The following PLEKHH2 variants were observed in gnomAD, a reference collection of about 807,000 sequenced individuals.
The protein encoded by PLEKHH2 is pleckstrin homology, MyTH4 and FERM domain containing H2, also known as pleckstrin homology domain-containing family H member 2.
PLEKHH2 carries 129 observed loss-of-function variants against 187.9 expected under a neutral mutation model. The ratio of observed to expected loss-of-function variants is 0.69; its 90% confidence interval spans 0.59 to 0.79. The LOEUF (loss-of-function observed/expected upper bound fraction) is 0.79, where lower values mean the gene tolerates loss of function less well. PLEKHH2 is among the 30% of genes least tolerant of loss of function. PLEKHH2 has a pLI of 0.00. For synonymous variants in PLEKHH2, 686 were observed against 605.6 expected (o/e 1.13, Z -1.95); for missense variants, 2,076 against 1,751.2 (o/e 1.19, Z -3.31).
At chr2:43,710,445 TGTTAAA>T (rs777779136) in intron 13 of PLEKHH2, 38 bp from the exon 14 acceptor site, 6 of 1,584,124 alleles carry the variant, frequency 3.8e-6, no homozygotes, top group South Asian at 3.5e-5. Flanking sequence ...TTATTATTAC[TGTTAAA>T]GTTAATCACT....
chr2:43,752,790 GAATA>G (rs1443893466), intron 24 of PLEKHH2, among the ~76,000 whole-genome samples: 3 of 152,092 alleles, frequency 2.0e-5, no homozygotes, highest in Non-Finnish European at 4.4e-5. Flanking sequence ...ATGACACAGT[GAATA>G]AATAAAGAGA....
Position 43,740,283 on chromosome 2 carries a change from G to T in PLEKHH2, c.3124-663G>T, listed in dbSNP as rs190881683. Among the ~76,000 whole-genome samples, 440 of 152,200 alleles carry T rather than the reference G, an allele frequency of 2.9e-3. 4 individuals are homozygous for T. Among genetic ancestry groups the T allele is most frequent in the African/African-American group, 1.0e-2 (414 of 41,528 alleles). On this transcript the variant is annotated intron_variant, in intron 20 of 29. Coordinates refer to ENST00000282406, the MANE Select transcript of PLEKHH2 (RefSeq NM_172069.4). ...CAAATGCAGTGTTTTATAGGATAAA[G>T]AAATTAAAAAAATTTTTTTGTTGTT...
At chr2:43,681,851 G>T (rs1668207963) in intron 3 of PLEKHH2, among the ~76,000 whole-genome samples, 1 of 152,154 alleles carries the variant, frequency 6.6e-6, no homozygotes, top group South Asian at 2.1e-4. Context: ...ATTTTATAGG[G>T]TAGAGTAAGT....
In PLEKHH2 at chr2:43,712,729, A is replaced by G. The variant is rs183438319; in HGVS notation, c.2460+346A>G. Reference sequence around the variant, plus strand: ...TTTCTAATCAGTAAGCAAACAATGAACACCAATTGGGGGAAAAGGAACAAA... The same window carrying G: ...TTTCTAATCAGTAAGCAAACAATGAGCACCAATTGGGGGAAAAGGAACAAA... On this transcript the variant is annotated intron_variant, in intron 15 of 29. Coordinates refer to ENST00000282406, the MANE Select transcript of PLEKHH2 (RefSeq NM_172069.4). Among the ~76,000 whole-genome samples, 226 of 152,288 alleles carry G rather than the reference A, an allele frequency of 1.5e-3. 1 individual carries two copies. In the Middle Eastern group the frequency reaches 0.02, roughly 14 times the overall value.
intron 3 of PLEKHH2, among the ~76,000 whole-genome samples, chr2:43,686,081 T>A (rs6748247): frequency 6.6e-6 from 1 of 152,080 alleles, no homozygotes; most frequent in Non-Finnish European, 1.5e-5. Context: ...CATGAGCTAA[T>A]CTTCCCTTTC....
At chr2:43,675,780 C>T (rs752004306) in intron 2 of PLEKHH2, 2 of 1,613,644 alleles carry the variant, frequency 1.2e-6, no homozygotes, top group African/African-American at 1.3e-5. Context: ...TCCCTCCTTC[C>T]ACAGTCACGT....
intron 2 of PLEKHH2, among the ~76,000 whole-genome samples, chr2:43,652,155 T>C (rs1476122959): frequency 6.6e-6 from 1 of 152,214 alleles, no homozygotes; most frequent in Non-Finnish European, 1.5e-5. Context: ...TTCAATTTTG[T>C]AAGAGAATAA....
At position 43,697,227 on chromosome 2, in the gene PLEKHH2, C is replaced by A; in HGVS notation, c.559C>A (p.Arg187Ser). Residue 187 changes from arginine (R) to serine (S), a missense_variant, in exon 7 of 30, where the codon CGC becomes AGC. Physicochemically the swap from Arg to Ser is moderately radical, Grantham distance 110 (BLOSUM62 -1). Transcript: ENST00000282406. ...VSTLKLSEGQ[R>S]LSSLTFGCFL... is the part of the protein sequence containing the mutation. Reference sequence around the variant, plus strand: ...TACACTAAAGCTTTCGGAAGGCCAGCGCCTGAGCAGTTTGACCTTTGGGTG... The same window carrying A: ...TACACTAAAGCTTTCGGAAGGCCAGAGCCTGAGCAGTTTGACCTTTGGGTG... 2.5e-6 allele frequency: 4 copies of A among 1,613,586 alleles called. No homozygotes were observed. The highest frequency in any genetic ancestry group is 3.4e-6 in the Non-Finnish European group (4 of 1,179,646).
chr2:43,707,616 A>T (rs751581582), intron 11 of PLEKHH2, 71 bp downstream of exon 11: 39 of 1,544,456 alleles, frequency 2.5e-5, no homozygotes, highest in Admixed American at 3.9e-5. Context: ...TTTTATCTCC[A>T]TTACAGGATT....
At chr2:43,675,835 T>C in intron 2 of PLEKHH2, 3 of 1,614,016 alleles carry the variant, frequency 1.9e-6, no homozygotes, top group Non-Finnish European at 2.5e-6. Context: ...ATAGAAGGGC[T>C]GGGATGCATC....
At chr2:43,684,112 A>T (rs1275092694) in intron 3 of PLEKHH2, among the ~76,000 whole-genome samples, 7 of 152,148 alleles carry the variant, frequency 4.6e-5, no homozygotes, top group Admixed American at 3.9e-4. Flanking sequence ...GATTTTGACA[A>T]ATGTATAATG....
At chr2:43,711,285 T>G in intron 14 of PLEKHH2, 1 of 985,428 alleles carries the variant, frequency 1.0e-6, no homozygotes, top group South Asian at 4.7e-5. Flanking sequence ...TTCCAGTGAT[T>G]TGTACCTGAA....
At chr2:43,711,106 C>T in intron 14 of PLEKHH2, 1 of 985,882 alleles carries the variant, frequency 1.0e-6, no homozygotes, top group Middle Eastern at 5.2e-4. Flanking sequence ...TAAGGCCAGT[C>T]TTGCCAGAAA....
At chr2:43,658,909 C>T (rs981723433) in intron 2 of PLEKHH2, 1 of 151,858 alleles carries the variant, frequency 6.6e-6, no homozygotes, top group African/African-American at 2.4e-5. Flanking sequence ...GCTACTGAAC[C>T]ATCTATTGAG....
At chr2:43,666,922 G>A (rs1667247785) in intron 2 of PLEKHH2, among the ~76,000 whole-genome samples, 1 of 152,104 alleles carries the variant, frequency 6.6e-6, no homozygotes, top group Admixed American at 6.6e-5. Flanking sequence ...TATTGGCTTA[G>A]TAATAGTAAT....
chr2:43,764,847 G>A (rs1211605883), intron 29 of PLEKHH2, among the ~76,000 whole-genome samples: 2 of 152,132 alleles, frequency 1.3e-5, no homozygotes, highest in African/African-American at 2.4e-5. Flanking sequence ...ACATCTCTAA[G>A]TAAAAGCAAT....
intron 19 of PLEKHH2, among the ~76,000 whole-genome samples, chr2:43,736,864 C>T (rs1671320883): frequency 6.6e-6 from 1 of 151,870 alleles, no homozygotes; most frequent in Non-Finnish European, 1.5e-5. Flanking sequence ...GAGGAGAGAG[C>T]TAAAGAGAGG....
In PLEKHH2 at chr2:43,727,961, C is replaced by G. The variant is rs183441241; in HGVS notation, c.2721+1510C>G. 2.0e-5 allele frequency among the ~76,000 whole-genome samples: 3 copies of G among 152,166 alleles called. No individual in the cohort carries two copies. In the East Asian group the frequency reaches 5.8e-4, roughly 29 times the overall value. The stretch of plus-strand genomic sequence containing the variant: ...TTACGCTCATCTGTAATCAAAGATG[C>G]GCACATTTAAAAATGATAAAGCTTT... On this transcript the variant is annotated intron_variant, in intron 17 of 29. Transcript: ENST00000282406.
intron 7 of PLEKHH2, among the ~76,000 whole-genome samples, chr2:43,697,889 C>G (rs951642810): frequency 4.6e-5 from 7 of 151,914 alleles, no homozygotes; most frequent in African/African-American, 1.7e-4. Context: ...AAATGTTTTC[C>G]TAGATATTTA....
Sources: allele counts gnomAD v4.1 joint callset (sites outside exome capture counted in the v4.1 genomes callset), GRCh38; gene constraint gnomAD v4.1.1; transcripts MANE v1.5; gene names NCBI Gene and HGNC (gene_info 2026-07-23, HGNC 2026-07-21).